The following HCN1 variants were observed in gnomAD, a reference collection of about 807,000 sequenced individuals.
The protein encoded by HCN1 is hyperpolarization activated cyclic nucleotide gated potassium channel 1.
HCN1 carries 13 observed loss-of-function variants against 78.9 expected under a neutral mutation model. The observed-to-expected ratio is 0.16, with a 90% CI of 0.11 to 0.26. The LOEUF is 0.26. Ranked by LOEUF, HCN1 falls within the 10% of genes least tolerant of loss-of-function variation. HCN1 has a pLI of 1.00. For synonymous variants in HCN1, 552 were observed against 455.5 expected (o/e 1.21, Z -2.70); for missense variants, 810 against 1,154.3 (o/e 0.70, Z 4.32).
chr5:45,318,688 T>C (rs1271674623), intron 5 of HCN1, among the ~76,000 whole-genome samples: 2 of 152,080 alleles, frequency 1.3e-5, no homozygotes, highest in Non-Finnish European at 2.9e-5. Context: ...ATGTTCATTA[T>C]TTAGTCACAG....
chr5:45,626,464 AG>A, intron 2 of HCN1, among the ~76,000 whole-genome samples: 1 of 152,144 alleles, frequency 6.6e-6, no homozygotes, highest in Non-Finnish European at 1.5e-5. Context: ...ATCCTACTAG[AG>A]ACAGAGTAGC....
intron 7 of HCN1, among the ~76,000 whole-genome samples, chr5:45,266,858 G>A (rs1442694045): frequency 4.0e-5 from 6 of 151,872 alleles, no homozygotes; most frequent in South Asian, 2.1e-4. Context: ...ACAGGTGCAC[G>A]CCACCACACC....
Position 45,511,004 on chromosome 5 carries a change from T to C in HCN1, c.850-48997A>G, listed in dbSNP as rs1030416419. On this transcript the variant is annotated intron_variant, in intron 2 of 7. Transcript: ENST00000303230. ...TTTTAATGGATTTTGAATTTCATCA[T>C]GTAGGTAATATGATGTAAGCAGTTA... is the stretch of plus-strand genomic sequence containing the variant. 3.3e-5 allele frequency among the ~76,000 whole-genome samples: 5 copies of C among 151,752 alleles called. No homozygotes were observed. In the East Asian group the frequency reaches 7.7e-4, roughly 23 times the overall value.
At chr5:45,497,173 A>G (rs1341543670) in intron 2 of HCN1, among the ~76,000 whole-genome samples, 2 of 152,136 alleles carry the variant, frequency 1.3e-5, no homozygotes, top group African/African-American at 4.8e-5. Flanking sequence ...AAAAATGTAT[A>G]TTCTGTTGAT....
intron 2 of HCN1, chr5:45,559,970 C>G (rs996045040): frequency 1.3e-5 from 2 of 152,096 alleles, no homozygotes; most frequent in African/African-American, 2.4e-5. Context: ...GAACTTAGAC[C>G]AGCAAAAAGA....
chr5:45,356,342 T>C (rs1747006329), intron 4 of HCN1, among the ~76,000 whole-genome samples: 1 of 151,934 alleles, frequency 6.6e-6, no homozygotes, highest in Admixed American at 6.6e-5. Flanking sequence ...AAAATTCTAA[T>C]ATATTTTTAT....
Position 45,410,589 on chromosome 5 carries a change from A to G in HCN1, c.1012-13879T>C, listed in dbSNP as rs185977619. Among the ~76,000 whole-genome samples, 660 of 152,190 alleles carry G rather than the reference A, an allele frequency of 4.3e-3. 6 individuals carry two copies. Among genetic ancestry groups the G allele is most frequent in the Non-Finnish European group, 7.5e-3 (511 of 67,944 alleles). Reference sequence around the variant, plus strand: ...TTTACAGCTAAGTTATAATTACATAACTCAGCAACAACGCATGTTCCTCAA... The same window carrying G: ...TTTACAGCTAAGTTATAATTACATAGCTCAGCAACAACGCATGTTCCTCAA... On this transcript the variant is annotated intron_variant, in intron 3 of 7. Coordinates refer to ENST00000303230, the MANE Select transcript of HCN1 (RefSeq NM_021072.4).
intron 4 of HCN1, among the ~76,000 whole-genome samples, chr5:45,394,994 A>G (rs970323362): frequency 6.6e-6 from 1 of 152,186 alleles, no homozygotes; most frequent in Non-Finnish European, 1.5e-5. Context: ...CTATGATTCC[A>G]TAAGTGAATA....
intron 3 of HCN1, among the ~76,000 whole-genome samples, chr5:45,412,266 C>T (rs1401967998): frequency 6.6e-6 from 1 of 152,074 alleles, no homozygotes; most frequent in East Asian, 1.9e-4. Flanking sequence ...TTTCTTTGGG[C>T]ACTGGGAATA....
intron 2 of HCN1, among the ~76,000 whole-genome samples, chr5:45,567,580 C>T (rs976863787): frequency 6.6e-6 from 1 of 151,026 alleles, no homozygotes; most frequent in African/African-American, 2.4e-5. Flanking sequence ...CACACACACA[C>T]ACACACACAC....
Position 45,262,427 on chromosome 5 carries a change from TG to T in HCN1, c.2166del (p.Thr723ProfsTer57). Reference protein sequence around the residue: ...LAARTFHYASPTASQLSLMQQ... With the variant: ...LAARTFHYASXTASQLSLMQQ... Reference sequence around the variant, plus strand: ...TGCATGAGTGACAGCTGGGAGGCGGTGGGGGAGGCATAGTGGAAAGTTCGAG... The same window carrying T: ...TGCATGAGTGACAGCTGGGAGGCGGTGGGGAGGCATAGTGGAAAGTTCGAG... On this transcript the variant is annotated frameshift_variant, in exon 8 of 8. Coordinates refer to ENST00000303230, the MANE Select transcript of HCN1 (RefSeq NM_021072.4). LOFTEE classifies it high-confidence loss of function. 2 of 1,610,414 alleles carry T rather than the reference TG, an allele frequency of 1.2e-6. No individual in the cohort carries two copies.
intron 2 of HCN1, among the ~76,000 whole-genome samples, chr5:45,465,444 C>T (rs1741247749): frequency 6.6e-6 from 1 of 151,948 alleles, no homozygotes; most frequent in Admixed American, 6.6e-5. Context: ...CAGGAGTCAA[C>T]TGAAAAAAAT....
chr5:45,437,268 A>T (rs1410915741), intron 3 of HCN1, among the ~76,000 whole-genome samples: 1 of 152,208 alleles, frequency 6.6e-6, no homozygotes, highest in Admixed American at 6.5e-5. Flanking sequence ...TATCATAGCC[A>T]TCAACATAAA....
chr5:45,522,902 C>A (rs890160471), intron 2 of HCN1, among the ~76,000 whole-genome samples: 1 of 151,700 alleles, frequency 6.6e-6, no homozygotes, highest in Non-Finnish European at 1.5e-5. Context: ...TACATGTGCA[C>A]AATGTGCAGG....
intron 2 of HCN1, among the ~76,000 whole-genome samples, chr5:45,604,618 A>G (rs1465936346): frequency 1.3e-4 from 20 of 151,958 alleles, no homozygotes; most frequent in Non-Finnish European, 1.5e-5. Context: ...GAAGCTAAAT[A>G]TATCAACCTT....
chr5:45,575,841 C>A (rs1361472956), intron 2 of HCN1: 2 of 152,132 alleles, frequency 1.3e-5, no homozygotes, highest in Non-Finnish European at 2.9e-5. Flanking sequence ...AGCATCCATT[C>A]TGCAGCCCAT....
chr5:45,371,398 A>C (rs1000637520), intron 4 of HCN1, among the ~76,000 whole-genome samples: 1 of 151,942 alleles, frequency 6.6e-6, no homozygotes, highest in African/African-American at 2.4e-5. Flanking sequence ...CTAATAAAGA[A>C]ATAAAGAGAA....
At chr5:45,297,828 C>G (rs1160105671) in intron 6 of HCN1, among the ~76,000 whole-genome samples, 2 of 151,974 alleles carry the variant, frequency 1.3e-5, no homozygotes, top group East Asian at 3.9e-4. Flanking sequence ...AAACAATTCA[C>G]CACATTGACA....
At chr5:45,451,795 T>C (rs1233360439) in intron 3 of HCN1, among the ~76,000 whole-genome samples, 1 of 151,972 alleles carries the variant, frequency 6.6e-6, no homozygotes, top group African/African-American at 2.4e-5. Context: ...TTCAATTATA[T>C]CCACATTTGG....
Sources: gnomAD v4.1 joint callset for allele counts (sites outside exome capture counted in the v4.1 genomes callset) on GRCh38, gnomAD v4.1.1 for gene constraint, MANE v1.5 for transcripts, NCBI Gene and HGNC (gene_info 2026-07-23, HGNC 2026-07-21) for gene names.